Variants in P4HB observed in about 807,000 individuals in gnomAD.
The protein encoded by P4HB is prolyl 4-hydroxylase subunit beta.
Under a neutral mutation model 52.6 loss-of-function variants are expected in P4HB, and 20 were observed. The observed-to-expected ratio is 0.38, with a 90% CI of 0.27 to 0.55. The LOEUF (loss-of-function observed/expected upper bound fraction) is 0.55, where lower values mean the gene tolerates loss of function less well. Ranked by LOEUF, P4HB falls within the 20% of genes least tolerant of loss-of-function variation. The pLI, the probability that P4HB is intolerant of heterozygous loss-of-function variation, is 0.74. For missense variants in P4HB, 601 were observed against 669.2 expected, an observed-to-expected ratio of 0.90 and a Z score of 1.12; for synonymous variants, 296 against 277.9, an observed-to-expected ratio of 1.07 and a Z score of -0.65.
chr17:81,853,894 C>G (rs544654768), intron 4 of P4HB, among the ~76,000 whole-genome samples: 1 of 152,326 alleles, frequency 6.6e-6, no homozygotes. Context: ...TGTGCGGCCC[C>G]AGCCCCACCT....
Position 81,845,735 on chromosome 17 carries a change from T to C in P4HB, c.1185A>G (p.Pro395=), listed in dbSNP as rs201874167. Residue 395 remains proline (P), a synonymous_variant, in exon 9 of 11, where the codon CCA becomes CCG. Coordinates refer to ENST00000331483, the MANE Select transcript of P4HB (RefSeq NM_000918.4). ...KKNVFVEFYA[P]WCGHCKQLAP... ...CCAACTGTTTGCAGTGACCACACCA[T>C]GGGGCATCTGAAAAGAAAGCAGTTC... is the stretch of plus-strand genomic sequence containing the variant. 2.5e-6 allele frequency: 4 copies of C among 1,612,786 alleles called. No individual in the cohort carries two copies. Among genetic ancestry groups the C allele is most frequent in the Non-Finnish European group, 2.5e-6 (3 of 1,179,138 alleles).
chr17:81,846,994 C>T lies in P4HB; in HGVS notation c.808G>A (p.Gly270Ser), dbSNP rs202131545. ...GCTGTTTTGAAGTTGCTCAGTTTGC[C>T]GTCATAGTCAGACACACTCTTGGGC... ...FLPKSVSDYD[G>S]KLSNFKTAAE... The change falls in exon 6 of 11, where the codon GGC becomes AGC. Residue 270 changes from glycine (G) to serine (S), a missense_variant. Transcript: ENST00000331483. The surrounding 1 kb of genome is among the most constrained non-coding windows in gnomAD (Gnocchi z 5.7). 1.5e-4 allele frequency: 248 copies of T among 1,614,090 alleles called. No individual in the cohort carries two copies. Among genetic ancestry groups the T allele is most frequent in the Non-Finnish European group, 2.1e-4 (242 of 1,180,024 alleles).
chr17:81,843,510 C>A lies in P4HB; in HGVS notation c.*502G>T. ...TACCCAAAAATGCAAGAGCCATGAT[C>A]AGTCATGGCGACACTGCAGGCGGTA... is the stretch of plus-strand genomic sequence containing the variant. On this transcript the variant is annotated 3_prime_UTR_variant, in exon 11 of 11. Transcript: ENST00000331483. 1 of 401,108 alleles carries A rather than the reference C, an allele frequency of 2.5e-6. No homozygotes were observed. Among genetic ancestry groups the A allele is most frequent in the East Asian group, 3.6e-5 (1 of 28,112 alleles). 24.8% of individuals were successfully genotyped at this position (401,108 alleles called of 1,614,324 possible). A position where few individuals can be genotyped will look rare whatever the true frequency, so the allele number is the denominator to read the frequency against.
intron 4 of P4HB, among the ~76,000 whole-genome samples, chr17:81,852,277 C>T (rs2143341646): frequency 6.6e-6 from 1 of 152,302 alleles, no homozygotes; most frequent in Non-Finnish European, 1.5e-5. Context: ...ACCAGCAGCC[C>T]CCGCAGAGGT....
Position 81,855,480 on chromosome 17 carries a change from G to A in P4HB, c.459C>T (p.Ser153=), listed in dbSNP as rs747146706. 4 of 1,613,598 alleles carry A rather than the reference G, an allele frequency of 2.5e-6. No individual in the cohort carries two copies. Among genetic ancestry groups the A allele is most frequent in the East Asian group, 2.2e-5 (1 of 44,870 alleles). ...TGAAGAAGCCGATGACAGCCACCTC[G>A]CTGGACTCCACCAAGGACTCTGCAG... The part of the protein sequence containing the change: ...GAAAESLVES[S]EVAVIGFFKD... Residue 153 remains serine (S), a synonymous_variant, in exon 3 of 11, where the codon AGC becomes AGT. Coordinates refer to ENST00000331483, the MANE Select transcript of P4HB (RefSeq NM_000918.4). The surrounding 1 kb of genome is among the most constrained non-coding windows in gnomAD (Gnocchi z 4.3).
Position 81,845,684 on chromosome 17 carries a change from C to T in P4HB, c.1236G>A (p.Glu412=). The change falls in exon 9 of 11, where the codon GAG becomes GAA. Residue 412 remains glutamate, a synonymous_variant. Coordinates refer to ENST00000331483, the MANE Select transcript of P4HB (RefSeq NM_000918.4). Reference sequence around the variant, plus strand: ...CGATGTTCTCATGGTCCTTGTACGTCTCTCCCAGTTTATCCCAAATGGGAG... The same window carrying T: ...CGATGTTCTCATGGTCCTTGTACGTTTCTCCCAGTTTATCCCAAATGGGAG... The part of the protein sequence containing the change: ...QLAPIWDKLG[E]TYKDHENIVI... 2 of 1,613,946 alleles carry T rather than the reference C, an allele frequency of 1.2e-6. No individual in the cohort carries two copies. The highest frequency in any genetic ancestry group is 1.7e-6 in the Non-Finnish European group (2 of 1,179,864).
rs146810022 is a variant in P4HB, at chr17:81,847,279, G to A, written c.693C>T (p.His231=). 484 of 1,614,182 alleles carry A rather than the reference G, an allele frequency of 3.0e-4. No individual in the cohort carries two copies. Among genetic ancestry groups the A allele is most frequent in the Admixed American group, 8.8e-4 (53 of 60,018 alleles). Residue 231 remains histidine, a synonymous_variant, in exon 5 of 11, where the codon CAC becomes CAT. Coordinates refer to ENST00000331483, the MANE Select transcript of P4HB (RefSeq NM_000918.4). The part of the protein sequence containing the change: ...TKENLLDFIK[H]NQLPLVIEFT... Reference sequence around the variant, plus strand: ...ACTCGATGACAAGGGGCAGCTGGTTGTGTTTGATAAAGTCCAGCAGGTTCT... The same window carrying A: ...ACTCGATGACAAGGGGCAGCTGGTTATGTTTGATAAAGTCCAGCAGGTTCT...
chr17:81,860,466 C>G lies in P4HB; in HGVS notation c.6G>C (p.Leu2=), dbSNP rs2038982389. 1 of 1,330,836 alleles carries G rather than the reference C, an allele frequency of 7.5e-7. No individual in the cohort carries two copies. Among genetic ancestry groups the G allele is most frequent in the African/African-American group, 1.5e-5 (1 of 65,140 alleles). 82.4% of individuals were successfully genotyped at this position (1,330,836 alleles called of 1,614,324 possible). M[L]RRALLCLAVA... The stretch of plus-strand genomic sequence containing the variant: ...CGGCCAGGCACAGCAGAGCGCGGCG[C>G]AGCATGTCGGACACGGATCAGGCGG... Residue 2 remains leucine (L), a synonymous_variant, in exon 1 of 11, where the codon CTG becomes CTC. Coordinates refer to ENST00000331483, the MANE Select transcript of P4HB (RefSeq NM_000918.4).
intron 2 of P4HB, among the ~76,000 whole-genome samples, chr17:81,858,179 G>A (rs1276663619): frequency 6.8e-6 from 1 of 147,240 alleles, no homozygotes; most frequent in African/African-American, 2.5e-5. Flanking sequence ...GGCTGAGGCA[G>A]GAGAATCACT....
chr17:81,844,687 C>T (rs1044416282), intron 10 of P4HB, among the ~76,000 whole-genome samples: 52 of 152,354 alleles, frequency 3.4e-4, no homozygotes, highest in Non-Finnish European at 4.7e-4. Context: ...CTGCCGCATC[C>T]TCCCAACACC....
chr17:81,847,010 A>G lies in P4HB; in HGVS notation c.792T>C (p.Ser264=), dbSNP rs1273078189. The change falls in exon 6 of 11, where the codon AGT becomes AGC. Residue 264 remains serine, a synonymous_variant. Transcript: ENST00000331483. ...TCAGTTTGCCGTCATAGTCAGACACACTCTTGGGCAAGAACAGCAGGATGT... is the reference window on the plus strand; with the variant it reads ...TCAGTTTGCCGTCATAGTCAGACACGCTCTTGGGCAAGAACAGCAGGATGT... ...KTHILLFLPK[S]VSDYDGKLSN... 2 of 1,613,604 alleles carry G rather than the reference A, an allele frequency of 1.2e-6. No homozygotes were observed. Among genetic ancestry groups the G allele is most frequent in the African/African-American group, 2.7e-5 (2 of 74,784 alleles).
Position 81,843,859 on chromosome 17 carries a change from G to T in P4HB, c.*153C>A, listed in dbSNP as rs201910369. Reference sequence around the variant, plus strand: ...AAGGAAGAGACGGGGGTGAACGGACGGTGTGTAGGGGTGAGGTGTCACTTC... The same window carrying T: ...AAGGAAGAGACGGGGGTGAACGGACTGTGTGTAGGGGTGAGGTGTCACTTC... On this transcript the variant is annotated 3_prime_UTR_variant, in exon 11 of 11. Transcript: ENST00000331483. The T allele has an allele frequency of 7.9e-5, 53 of 669,856 alleles. No individual in the cohort carries two copies. The East Asian group carries it at 1.1e-3, about 14-fold the overall frequency. The allele number at this position is 669,856 out of a possible 1,614,324, so 41.5% of individuals were successfully genotyped here.
At position 81,845,685 on chromosome 17, in the gene P4HB, T is replaced by C; in HGVS notation, c.1235A>G (p.Glu412Gly). ...QLAPIWDKLG[E>G]TYKDHENIVI... ...GATGTTCTCATGGTCCTTGTACGTCTCTCCCAGTTTATCCCAAATGGGAGC... is the reference window on the plus strand; with the variant it reads ...GATGTTCTCATGGTCCTTGTACGTCCCTCCCAGTTTATCCCAAATGGGAGC... The change falls in exon 9 of 11, where the codon GAG becomes GGG. Residue 412 changes from glutamate to glycine, a missense_variant. Physicochemically the swap from Glu to Gly is moderately conservative, Grantham distance 98. Transcript: ENST00000331483. 6.2e-7 allele frequency: 1 copy of C among 1,613,780 alleles called. No homozygotes were observed. Among genetic ancestry groups the C allele is most frequent in the South Asian group, 1.1e-5 (1 of 91,078 alleles).
Position 81,860,484 on chromosome 17 carries a change from T to G in P4HB, c.-13A>C, listed in dbSNP as rs1130664. ...CGCGGCGCAGCATGTCGGACACGGA[T>G]CAGGCGGGGCGCTTCGGTTGGCGCC... On this transcript the variant is annotated 5_prime_UTR_variant, in exon 1 of 11. Coordinates refer to ENST00000331483, the MANE Select transcript of P4HB (RefSeq NM_000918.4). 272,743 of 1,279,562 alleles carry G rather than the reference T, an allele frequency of 0.21. 31,406 individuals are homozygous for G. The highest frequency in any genetic ancestry group is 0.42 in the African/African-American group (27,221 of 64,556). The allele number at this position is 1,279,562 out of a possible 1,614,324, so 79.3% of individuals were successfully genotyped here.
rs377223959 is a variant in P4HB, at chr17:81,855,432, C to G, written c.486+21G>C. ...CAATGGATGACGGAAGGAAGGAAGACTGGAATGCTCTGGTCTCTACCTTGA... is the reference window on the plus strand; with the variant it reads ...CAATGGATGACGGAAGGAAGGAAGAGTGGAATGCTCTGGTCTCTACCTTGA... On this transcript the variant is annotated intron_variant, in intron 3 of 10. Transcript: ENST00000331483. This position sits in a 1 kb window ranked among gnomAD's most constrained non-coding sequence, Gnocchi z 4.3. 1.1e-5 allele frequency: 18 copies of G among 1,601,722 alleles called. No individual in the cohort carries two copies. Among genetic ancestry groups the G allele is most frequent in the Non-Finnish European group, 1.4e-5 (16 of 1,171,726 alleles).
intron 2 of P4HB, among the ~76,000 whole-genome samples, chr17:81,857,114 G>T (rs1598271519): frequency 2.0e-5 from 3 of 151,980 alleles, no homozygotes; most frequent in Admixed American, 1.3e-4. Flanking sequence ...TGTAGACAGG[G>T]TTTCACCATG....
At chr17:81,847,758 A>C (rs1598264814) in intron 4 of P4HB, 1 of 183,148 alleles carries the variant, frequency 5.5e-6, no homozygotes, top group East Asian at 1.2e-4. Flanking sequence ...GCTCACTGCA[A>C]CCTCTGCCTC....
chr17:81,844,211 C>T (rs374569182), intron 10 of P4HB, 119 bp from the exon 11 acceptor site: 89 of 788,782 alleles, frequency 1.1e-4, no homozygotes, highest in East Asian at 7.3e-5. Flanking sequence ...ACATGGCCAC[C>T]GGCCACTGGA....
Position 81,843,956 on chromosome 17 carries a change from T to G in P4HB, c.*56A>C, listed in dbSNP as rs911494615. ...CGCAGGCTTCGGAGGCGTGCGCTGC[T>G]GCTGGGTGTGCAGCCCCCGAGGGGT... On this transcript the variant is annotated 3_prime_UTR_variant, in exon 11 of 11. Coordinates refer to ENST00000331483, the MANE Select transcript of P4HB (RefSeq NM_000918.4). The G allele has an allele frequency of 5.4e-6, 7 of 1,288,402 alleles. No individual in the cohort carries two copies. In the African/African-American group the frequency reaches 1.0e-4, roughly 19 times the overall value. The allele number at this position is 1,288,402 out of a possible 1,614,324, so 79.8% of individuals were successfully genotyped here.
Sources: gnomAD v4.1 joint callset for allele counts (sites outside exome capture counted in the v4.1 genomes callset) on GRCh38, gnomAD v4.1.1 for gene constraint, Gnocchi (gnomAD v3.1) non-coding constraint, MANE v1.5 for transcripts, NCBI Gene and HGNC (gene_info 2026-07-23, HGNC 2026-07-21) for gene names.